Variants in KLHL41 observed in about 807,000 individuals in gnomAD.
KLHL41 encodes the protein kelch like family member 41.
KLHL41 carries 31 observed loss-of-function variants against 49.2 expected under a neutral mutation model. The ratio of observed to expected loss-of-function variants is 0.63; its 90% confidence interval spans 0.47 to 0.85. KLHL41 has a LOEUF of 0.85. Ranked by LOEUF, KLHL41 falls within the 40% of genes least tolerant of loss-of-function variation. The probability of loss-of-function intolerance (pLI) is 0.00; values close to 1 mark genes in which losing one functional copy is unlikely to be tolerated. For missense variants in KLHL41, 663 were observed against 726.7 expected (o/e 0.91, Z 1.01); for synonymous variants, 218 against 258.5 (o/e 0.84, Z 1.50).
At chr2:169,514,438 G>A (rs1559130415) in intron 1 of KLHL41, 136 bp from the exon 2 acceptor site, 2 of 607,494 alleles carry the variant, frequency 3.3e-6, no homozygotes, top group Non-Finnish European at 2.8e-6. Flanking sequence ...ATACTTTGGG[G>A]TTGTAGTTTT....
chr2:169,516,277 T>C (rs1270447066), intron 3 of KLHL41, among the ~76,000 whole-genome samples: 4 of 152,242 alleles, frequency 2.6e-5, no homozygotes. Context: ...CTGGAGTTAA[T>C]GATTATTGGG....
Position 169,525,666 on chromosome 2 carries a change from T to G in KLHL41, c.1791T>G (p.Arg597=), listed in dbSNP as rs1250010916. Residue 597 remains arginine, a synonymous_variant, in exon 6 of 6, where the codon CGT becomes CGG. Transcript: ENST00000284669. The part of the protein sequence containing the change: ...YASGASCLAT[R]LNLFKLSKL ...CAGGAGCTAGTTGCCTAGCAACACG[T>G]TTAAATCTCTTCAAACTGTCTAAAC... 2 of 1,610,432 alleles carry G rather than the reference T, an allele frequency of 1.2e-6. No homozygotes were observed. The highest frequency in any genetic ancestry group is 2.2e-5 in the South Asian group (2 of 90,986).
chr2:169,523,332 A>C (rs573896450), intron 5 of KLHL41, among the ~76,000 whole-genome samples: 1 of 152,102 alleles, frequency 6.6e-6, no homozygotes, highest in East Asian at 1.9e-4. Flanking sequence ...AAATATTAAC[A>C]CCTCTATCCC....
chr2:169,511,259 C>T (rs543613028), intron 1 of KLHL41, among the ~76,000 whole-genome samples: 2 of 152,166 alleles, frequency 1.3e-5, no homozygotes, highest in African/African-American at 2.4e-5. Flanking sequence ...TATGTTGCCC[C>T]GGCTGGTCTC....
In KLHL41 at chr2:169,510,352, AAAG is replaced by A. The variant is rs730882259; in HGVS notation, c.581_583del (p.Glu194del). The A allele has an allele frequency of 2.5e-6, 4 of 1,614,170 alleles. No individual in the cohort carries two copies. The highest frequency in any genetic ancestry group is 3.3e-5 in the Admixed American group (2 of 60,006). The stretch of plus-strand genomic sequence containing the variant: ...TTCAAATGACAGCCTAAATGTAGAA[AAAG>A]AAGAAGCAGTATTTGAGGCAGTGAT... On this transcript the variant is annotated inframe_deletion, in exon 1 of 6. Coordinates refer to ENST00000284669, the MANE Select transcript of KLHL41 (RefSeq NM_006063.3). The surrounding 1 kb of genome is among the most constrained non-coding windows in gnomAD (Gnocchi z 4.2).
Position 169,510,093 on chromosome 2 carries a change from T to C in KLHL41, c.315T>C (p.Asp105=), listed in dbSNP as rs139045352. The change falls in exon 1 of 6, where the codon GAT becomes GAC. Residue 105 remains aspartate, a synonymous_variant. Coordinates refer to ENST00000284669, the MANE Select transcript of KLHL41 (RefSeq NM_006063.3). The surrounding 1 kb of genome is among the most constrained non-coding windows in gnomAD (Gnocchi z 4.2). ...ATCTCAATGACGGAAATGTGCAAGA[T>C]ATTTTTGCATTGGCCAGCCGCTTTC... is the stretch of plus-strand genomic sequence containing the variant. ...SIDLNDGNVQ[D]IFALASRFQI... The C allele has an allele frequency of 1.2e-5, 20 of 1,614,174 alleles. No homozygotes were observed. The highest frequency in any genetic ancestry group is 2.2e-5 in the East Asian group (1 of 44,882).
At position 169,525,704 on chromosome 2, in the gene KLHL41, G is replaced by A. The variant is rs1000077434; in HGVS notation, c.*8G>A. ...AAACTGTCTAAACTGTGAACAAGGT[G>A]ACAAAACATAATAGATTGGGAGGTG... On this transcript the variant is annotated 3_prime_UTR_variant, in exon 6 of 6. Transcript: ENST00000284669. 5.3e-6 allele frequency: 8 copies of A among 1,519,508 alleles called. No individual in the cohort carries two copies. The highest frequency in any genetic ancestry group is 6.4e-6 in the Non-Finnish European group (7 of 1,094,742). 94.1% of individuals were successfully genotyped at this position (1,519,508 alleles called of 1,614,324 possible).
At position 169,510,170 on chromosome 2, in the gene KLHL41, C is replaced by A. The variant is rs757991329; in HGVS notation, c.392C>A (p.Ala131Asp). Reference sequence around the variant, plus strand: ...GTTTCTTATCTTCAGAAAAGACTTGCTCCTGGTAACTGTCTAGCCATCCTA... The same window carrying A: ...GTTTCTTATCTTCAGAAAAGACTTGATCCTGGTAACTGTCTAGCCATCCTA... ...VCVSYLQKRL[A>D]PGNCLAILRL... Residue 131 changes from alanine (A) to aspartate (D), a missense_variant, in exon 1 of 6, where the codon GCT (alanine) becomes GAT (aspartate). Transcript: ENST00000284669. This position sits in a 1 kb window ranked among gnomAD's most constrained non-coding sequence, Gnocchi z 4.2. 6.2e-7 allele frequency: 1 copy of A among 1,614,134 alleles called. No individual in the cohort carries two copies. Among genetic ancestry groups the A allele is most frequent in the South Asian group, 1.1e-5 (1 of 91,082 alleles).
At chr2:169,513,667 C>G (rs1461658544) in intron 1 of KLHL41, among the ~76,000 whole-genome samples, 2 of 152,172 alleles carry the variant, frequency 1.3e-5, no homozygotes, top group Non-Finnish European at 2.9e-5. Context: ...TCCAGTGAAA[C>G]TGGGTTTTAT....
At chr2:169,522,423 G>A (rs1684216807) in intron 5 of KLHL41, among the ~76,000 whole-genome samples, 1 of 152,148 alleles carries the variant, frequency 6.6e-6, no homozygotes, top group South Asian at 2.1e-4. Context: ...GATTTCCACG[G>A]AGCAAAGAGG....
chr2:169,516,525 C>T (rs1208687200), intron 3 of KLHL41, among the ~76,000 whole-genome samples: 4 of 152,104 alleles, frequency 2.6e-5, no homozygotes, highest in Non-Finnish European at 5.9e-5. Context: ...AAAGAGCATT[C>T]TGACTTTGGA....
chr2:169,524,120 T>C (rs1326864787), intron 5 of KLHL41, among the ~76,000 whole-genome samples: 1 of 152,190 alleles, frequency 6.6e-6, no homozygotes, highest in African/African-American at 2.4e-5. Context: ...TTTTTAAACC[T>C]CATTTAACCT....
chr2:169,521,087 C>A (rs1684196278), intron 5 of KLHL41, 80 bp downstream of exon 5: 1 of 1,334,794 alleles, frequency 7.5e-7, no homozygotes, highest in Non-Finnish European at 1.1e-6. Flanking sequence ...AAACAATAAG[C>A]CAGATTTTCC....
At chr2:169,513,529 A>C (rs1419216691) in intron 1 of KLHL41, among the ~76,000 whole-genome samples, 2 of 152,172 alleles carry the variant, frequency 1.3e-5, no homozygotes, top group African/African-American at 4.8e-5. Context: ...GTGGAGATTA[A>C]ACTTCTCATG....
chr2:169,510,918 C>A lies in KLHL41; in HGVS notation c.1110+30C>A. On this transcript the variant is annotated intron_variant, in intron 1 of 5. Transcript: ENST00000284669. The surrounding 1 kb of genome is among the most constrained non-coding windows in gnomAD (Gnocchi z 4.2). ...GAAGGACTTTTTGTATATGTAGTTG[C>A]TTAAAGGGAAGGCTGTTACTCACCA... 1 of 1,579,880 alleles carries A rather than the reference C, an allele frequency of 6.3e-7. No individual in the cohort carries two copies. Among genetic ancestry groups the A allele is most frequent in the South Asian group, 1.2e-5 (1 of 86,160 alleles).
intron 3 of KLHL41, among the ~76,000 whole-genome samples, chr2:169,516,247 TAGATGTCAAG>T (rs1319508513): frequency 6.6e-6 from 1 of 152,192 alleles, no homozygotes; most frequent in Non-Finnish European, 1.5e-5. Context: ...AGAAATGTGT[TAGATGTCAAG>T]AACTCTATTC....
chr2:169,522,477 T>C (rs1205221191), intron 5 of KLHL41, among the ~76,000 whole-genome samples: 1 of 151,930 alleles, frequency 6.6e-6, no homozygotes, highest in East Asian at 1.9e-4. Flanking sequence ...CTGGAAGCAG[T>C]AGGAAAAAAG....
In KLHL41 at chr2:169,525,847, TCA is replaced by T. The variant is rs2105314801; in HGVS notation, c.*152_*153del. The T allele has an allele frequency of 2.0e-6, 1 of 499,984 alleles. No individual in the cohort carries two copies. The highest frequency in any genetic ancestry group is 3.5e-5 in the Admixed American group (1 of 28,392). 31.0% of individuals were successfully genotyped at this position (499,984 alleles called of 1,614,324 possible). ...GAGATGAGCAGTAGGTAAGAAAACC[TCA>T]GTCATTGACTCTTCAATGTAATGAT... is the stretch of plus-strand genomic sequence containing the variant. On this transcript the variant is annotated 3_prime_UTR_variant, in exon 6 of 6. Transcript: ENST00000284669.
chr2:169,518,102 T>G (rs1442387868), intron 3 of KLHL41, 88 bp from the exon 4 acceptor site: 4 of 882,624 alleles, frequency 4.5e-6, no homozygotes, highest in Non-Finnish European at 7.0e-6. Flanking sequence ...TCCTACTATA[T>G]ATTTTTCATG....
Sources: gnomAD v4.1 joint callset for allele counts (sites outside exome capture counted in the v4.1 genomes callset) on GRCh38, gnomAD v4.1.1 for gene constraint, Gnocchi (gnomAD v3.1) non-coding constraint, MANE v1.5 for transcripts, NCBI Gene and HGNC (gene_info 2026-07-23, HGNC 2026-07-21) for gene names.